Variants in RANBP17 observed in about 807,000 individuals in gnomAD.
RANBP17 encodes RAN binding protein 17.
A neutral mutation model predicts 141.2 loss-of-function variants in RANBP17; 158 were observed. The ratio of observed to expected loss-of-function variants is 1.12; its 90% CI spans 0.98 to 1.28. The LOEUF (loss-of-function observed/expected upper bound fraction) is 1.28. Among genes scored for constraint, RANBP17 ranks in the 50% most tolerant of loss-of-function variants. RANBP17 has a pLI of 0.00. For missense variants in RANBP17, 1,438 were observed against 1,290.7 expected (o/e 1.11, Z -1.75); for synonymous variants, 430 against 450.0 (o/e 0.96, Z 0.56).
rs183752715 is a variant in RANBP17 at position 170,873,788 on chromosome 5, A to G, written c.19-4309A>G. Among the ~76,000 whole-genome samples, 616 of 152,228 alleles carry G rather than the reference A, an allele frequency of 4.0e-3. 5 individuals are homozygous for G. The highest frequency in any genetic ancestry group is 0.014 in the African/African-American group (594 of 41,536). Reference sequence around the variant, plus strand: ...TCTATTTTATTAAGTTCTTATAAAAACCAGCTCCTGGATTTATTGACTTTT... The same window carrying G: ...TCTATTTTATTAAGTTCTTATAAAAGCCAGCTCCTGGATTTATTGACTTTT... On this transcript the variant is annotated intron_variant, in intron 1 of 27. Transcript: ENST00000523189.
rs140500556 is a variant in RANBP17, at chr5:171,160,305, C to T, written c.1711-9825C>T. 7.9e-5 allele frequency among the ~76,000 whole-genome samples: 12 copies of T among 152,290 alleles called. No individual in the cohort carries two copies. The East Asian group carries it at 2.1e-3, about 27-fold the overall frequency. Reference sequence around the variant, plus strand: ...ACCTTTCATTAAGACCCTCTCCCCTCTAACTACTACTAAAGCTACTCACAT... The same window carrying T: ...ACCTTTCATTAAGACCCTCTCCCCTTTAACTACTACTAAAGCTACTCACAT... On this transcript the variant is annotated intron_variant, in intron 14 of 27. Transcript: ENST00000523189.
intron 27 of RANBP17, among the ~76,000 whole-genome samples, chr5:171,298,536 T>C (rs1249199030): frequency 1.3e-5 from 2 of 152,216 alleles, no homozygotes; most frequent in African/African-American, 4.8e-5. Flanking sequence ...TCAGAGTGAA[T>C]TTAGTGGCAA....
chr5:171,295,385 C>G (rs2128046250), intron 26 of RANBP17, among the ~76,000 whole-genome samples: 1 of 152,212 alleles, frequency 6.6e-6, no homozygotes, highest in South Asian at 2.1e-4. Context: ...CCCATTCTAA[C>G]CCCCAAGGAC....
intron 14 of RANBP17, among the ~76,000 whole-genome samples, chr5:171,162,489 T>C (rs1471522726): frequency 6.6e-6 from 1 of 152,136 alleles, no homozygotes; most frequent in Non-Finnish European, 1.5e-5. Context: ...CAGCTTCTGT[T>C]GAACAGGTGG....
chr5:171,132,098 A>G (rs1471241958), intron 14 of RANBP17, among the ~76,000 whole-genome samples: 1 of 152,184 alleles, frequency 6.6e-6, no homozygotes, highest in Non-Finnish European at 1.5e-5. Flanking sequence ...TTATATATAA[A>G]TAATAGATTC....
At chr5:171,107,921 T>C (rs1754964589) in intron 14 of RANBP17, among the ~76,000 whole-genome samples, 1 of 152,200 alleles carries the variant, frequency 6.6e-6, no homozygotes, top group African/African-American at 2.4e-5. Flanking sequence ...GCCGTACATC[T>C]TCATTAGGAA....
At chr5:171,114,905 G>A (rs1327258850) in intron 14 of RANBP17, among the ~76,000 whole-genome samples, 1 of 151,876 alleles carries the variant, frequency 6.6e-6, no homozygotes, top group African/African-American at 2.4e-5. Flanking sequence ...CTTGAAGCCA[G>A]GAGTTTGAAA....
At chr5:170,912,130 G>A (rs980901719) in intron 7 of RANBP17, among the ~76,000 whole-genome samples, 1 of 151,822 alleles carries the variant, frequency 6.6e-6, no homozygotes, top group Non-Finnish European at 1.5e-5. Context: ...CTTCTAATAT[G>A]GAGATCAGAG....
intron 22 of RANBP17, among the ~76,000 whole-genome samples, chr5:171,222,281 A>G (rs1156689913): frequency 6.6e-6 from 1 of 152,246 alleles, no homozygotes; most frequent in African/African-American, 2.4e-5. Flanking sequence ...CTCTAGAAGC[A>G]GAGTTCTACA....
rs1437482589 is a variant in RANBP17 at position 171,277,637 on chromosome 5, G to GTGTGTATATATATATATATATATA, written c.2943+11791_2943+11792insGTGTATATATATATATATATATAT. ...GTGCCTTACGTATACATATATGTATGTATATATATATATATATATATATAT... is the reference window on the plus strand; with the variant it reads ...GTGCCTTACGTATACATATATGTATGTGTGTATATATATATATATATATATATATATATATATATATATATATAT... On this transcript the variant is annotated intron_variant, in intron 25 of 27. Transcript: ENST00000523189. Among the ~76,000 whole-genome samples the GTGTGTATATATATATATATATATA allele has an allele frequency of 1.5e-3, 86 of 56,906 alleles. 2 individuals are homozygous for GTGTGTATATATATATATATATATA. Among genetic ancestry groups the GTGTGTATATATATATATATATATA allele is most frequent in the African/African-American group, 2.3e-3 (40 of 17,212 alleles). 37.3% of individuals were successfully genotyped at this position (56,906 alleles called of 152,430 possible). A position where few individuals can be genotyped will look rare whatever the true frequency, so the allele number is the denominator to read the frequency against.
chr5:171,022,062 G>A (rs1780896339), intron 14 of RANBP17, among the ~76,000 whole-genome samples: 10 of 151,984 alleles, frequency 6.6e-5, no homozygotes, highest in Admixed American at 6.6e-4. Context: ...CTTCTGTAAG[G>A]TTTGCTGGGT....
intron 14 of RANBP17, among the ~76,000 whole-genome samples, chr5:170,976,975 C>T (rs1299795741): frequency 2.6e-5 from 4 of 151,960 alleles, no homozygotes; most frequent in Admixed American, 6.6e-5. Context: ...GCTCAAGCAG[C>T]TAAAGAAAAA....
intron 25 of RANBP17, among the ~76,000 whole-genome samples, chr5:171,288,459 C>G (rs1444158992): frequency 2.0e-5 from 3 of 152,214 alleles, no homozygotes; most frequent in Non-Finnish European, 2.9e-5. Context: ...AGCCACTATG[C>G]TGGTGGTCTT....
chr5:171,174,756 G>GTGTT (rs1445246097), intron 16 of RANBP17, among the ~76,000 whole-genome samples: 33 of 139,468 alleles, frequency 2.4e-4, no homozygotes, highest in Non-Finnish European at 2.4e-4. Context: ...TCTAGAGTGT[G>GTGTT]TGTGTGTGTG....
At chr5:170,896,707 G>A (rs1360494835) in intron 5 of RANBP17, among the ~76,000 whole-genome samples, 1 of 152,188 alleles carries the variant, frequency 6.6e-6, no homozygotes, top group East Asian at 1.9e-4. Flanking sequence ...ATGGGCGCCT[G>A]TAATCCCAGC....
At chr5:171,251,871 T>G (rs1003858432) in intron 24 of RANBP17, 7 of 1,453,734 alleles carry the variant, frequency 4.8e-6, no homozygotes, top group Non-Finnish European at 6.8e-6. Context: ...GTGCCAATGC[T>G]TCGGCATTAG....
chr5:171,160,144 C>T (rs1429924087), intron 14 of RANBP17, among the ~76,000 whole-genome samples: 1 of 152,080 alleles, frequency 6.6e-6, no homozygotes. Flanking sequence ...CAGATAAGTT[C>T]TTGAGATAAA....
intron 14 of RANBP17, among the ~76,000 whole-genome samples, chr5:170,996,134 G>GA (rs1411589054): frequency 2.0e-5 from 3 of 152,100 alleles, no homozygotes; most frequent in Non-Finnish European, 2.9e-5. Context: ...AAAGCTCATG[G>GA]AAAAATGATA....
intron 14 of RANBP17, among the ~76,000 whole-genome samples, chr5:171,094,483 T>C (rs1056188552): frequency 6.6e-6 from 1 of 152,224 alleles, no homozygotes; most frequent in African/African-American, 2.4e-5. Context: ...GTTATTTTTA[T>C]ATAATGATCT....
Sources: allele counts gnomAD v4.1 joint callset (sites outside exome capture counted in the v4.1 genomes callset), GRCh38; gene constraint gnomAD v4.1.1; transcripts MANE v1.5; gene names NCBI Gene and HGNC (gene_info 2026-07-23, HGNC 2026-07-21).